The following WASL variants were observed in gnomAD, a reference collection of about 807,000 sequenced individuals.
The protein encoded by WASL is actin nucleation-promoting factor WASL.
In WASL, 20 loss-of-function variants were observed where a neutral mutation model predicts 55.5. The observed-to-expected ratio is 0.36, with a 90% confidence interval of 0.25 to 0.52. The LOEUF is 0.52. WASL is among the 20% of genes least tolerant of loss of function. The pLI, the probability that WASL is intolerant of heterozygous loss-of-function variation, is 0.92. For missense variants in WASL, 504 were observed against 622.5 expected (o/e 0.81, Z 2.03); for synonymous variants, 249 against 217.6 (o/e 1.14, Z -1.27).
intron 1 of WASL, among the ~76,000 whole-genome samples, chr7:123,732,414 A>G (rs1804155802): frequency 6.6e-6 from 1 of 152,206 alleles, no homozygotes; most frequent in African/African-American, 2.4e-5. Context: ...CTAACAAGGA[A>G]TATTTTGAAA....
intron 5 of WASL, among the ~76,000 whole-genome samples, chr7:123,702,128 C>T (rs182730730): frequency 9.3e-5 from 14 of 150,074 alleles, no homozygotes; most frequent in African/African-American, 3.4e-4. Flanking sequence ...GATCTCGGCT[C>T]ACTTGCAACC....
intron 10 of WASL, among the ~76,000 whole-genome samples, chr7:123,686,489 G>A (rs1237036360): frequency 6.6e-6 from 1 of 151,866 alleles, no homozygotes; most frequent in Admixed American, 6.6e-5. Flanking sequence ...TACTACCACA[G>A]AAATACTAAC....
chr7:123,747,015 A>G (rs193214472), intron 1 of WASL, among the ~76,000 whole-genome samples: 33 of 152,352 alleles, frequency 2.2e-4, no homozygotes, highest in African/African-American at 7.5e-4. Flanking sequence ...ATATGCAAAC[A>G]TTAGTGGTGC....
chr7:123,703,689 A>T (rs1203171916), intron 5 of WASL, among the ~76,000 whole-genome samples: 1 of 152,200 alleles, frequency 6.6e-6, no homozygotes, highest in Non-Finnish European at 1.5e-5. Flanking sequence ...GGACAAAATC[A>T]AAAGGCAACG....
chr7:123,716,832 T>C (rs1803851847), intron 1 of WASL, among the ~76,000 whole-genome samples: 1 of 152,176 alleles, frequency 6.6e-6, no homozygotes, highest in Non-Finnish European at 1.5e-5. Context: ...TAGCACTTAA[T>C]ACCACTTCAC....
intron 1 of WASL, among the ~76,000 whole-genome samples, chr7:123,741,845 T>TC (rs1238905277): frequency 2.0e-5 from 3 of 152,144 alleles, no homozygotes; most frequent in Non-Finnish European, 4.4e-5. Context: ...AGAACCCGGC[T>TC]CCTCTGTACT....
At chr7:123,715,792 A>T (rs1462756396) in intron 1 of WASL, among the ~76,000 whole-genome samples, 1 of 152,222 alleles carries the variant, frequency 6.6e-6, no homozygotes, top group Non-Finnish European at 1.5e-5. Context: ...AGAAAACTGC[A>T]AAGTATTATG....
chr7:123,696,283 G>A (rs1003278197), intron 6 of WASL, among the ~76,000 whole-genome samples: 1 of 151,884 alleles, frequency 6.6e-6, no homozygotes, highest in Non-Finnish European at 1.5e-5. Context: ...TATTTTTAGA[G>A]CAAAGTGAGA....
At chr7:123,711,496 A>C (rs1803757217) in intron 1 of WASL, among the ~76,000 whole-genome samples, 1 of 152,194 alleles carries the variant, frequency 6.6e-6, no homozygotes, top group African/African-American at 2.4e-5. Context: ...TATCAGTCTA[A>C]GTGTCTATTT....
At chr7:123,738,399 G>C (rs915720544) in intron 1 of WASL, among the ~76,000 whole-genome samples, 1 of 152,124 alleles carries the variant, frequency 6.6e-6, no homozygotes, top group Admixed American at 6.5e-5. Context: ...ACATTAGCTA[G>C]ACTGTTCCCT....
chr7:123,733,316 T>C (rs1184333452), intron 1 of WASL, among the ~76,000 whole-genome samples: 1 of 152,202 alleles, frequency 6.6e-6, no homozygotes, highest in East Asian at 1.9e-4. Flanking sequence ...AGCAAGGTTG[T>C]AGCATACAAG....
chr7:123,716,947 C>A (rs185708939), intron 1 of WASL, among the ~76,000 whole-genome samples: 38 of 152,262 alleles, frequency 2.5e-4, no homozygotes, highest in Admixed American at 2.5e-3. Flanking sequence ...ATTTCCCAAT[C>A]AGCTGCTAAT....
chr7:123,706,830 GA>G lies in WASL; in HGVS notation c.253-5del. 1 of 1,524,296 alleles carries G rather than the reference GA, an allele frequency of 6.6e-7. No homozygotes were observed. The highest frequency in any genetic ancestry group is 1.4e-5 in the African/African-American group (1 of 70,436). The allele number at this position is 1,524,296 out of a possible 1,614,324, so 94.4% of individuals were successfully genotyped here. A position where few individuals can be genotyped will look rare whatever the true frequency, so the allele number is the denominator to read the frequency against. On this transcript the variant is annotated splice_polypyrimidine_tract_variant and splice_region_variant and intron_variant, in intron 2 of 10. Transcript: ENST00000223023. ...GTTCCCACAATAGTTTCCCATCCTA[GA>G]AAAAAGTTAAAAATTAAAATAAGAA... is the stretch of plus-strand genomic sequence containing the variant.
chr7:123,736,363 T>C (rs1042548229), intron 1 of WASL, among the ~76,000 whole-genome samples: 2 of 152,168 alleles, frequency 1.3e-5, no homozygotes, highest in Non-Finnish European at 2.9e-5. Context: ...GAATTAAGGG[T>C]ACCAGAAATG....
chr7:123,729,515 G>A (rs543782426), intron 1 of WASL, among the ~76,000 whole-genome samples: 2 of 152,202 alleles, frequency 1.3e-5, no homozygotes, highest in African/African-American at 4.8e-5. Flanking sequence ...ATTACATAAT[G>A]TTTTAGATTA....
intron 1 of WASL, among the ~76,000 whole-genome samples, chr7:123,733,399 C>A (rs1452005932): frequency 6.6e-6 from 1 of 152,044 alleles, no homozygotes; most frequent in Non-Finnish European, 1.5e-5. Flanking sequence ...AAAAACACAG[C>A]ACCACCTATA....
At chr7:123,703,875 T>C (rs1339228581) in intron 5 of WASL, among the ~76,000 whole-genome samples, 1 of 152,200 alleles carries the variant, frequency 6.6e-6, no homozygotes, top group Non-Finnish European at 1.5e-5. Flanking sequence ...AATGATTCTT[T>C]ACCTTCATAG....
chr7:123,700,550 C>T (rs1255362653), intron 5 of WASL, among the ~76,000 whole-genome samples: 1 of 152,012 alleles, frequency 6.6e-6, no homozygotes, highest in African/African-American at 2.4e-5. Flanking sequence ...AGTGATTCTC[C>T]TGCCTCAGCC....
chr7:123,683,708 A>C lies in WASL; in HGVS notation c.*811T>G, dbSNP rs1049079553. 2.0e-5 allele frequency: 3 copies of C among 152,022 alleles called. No individual in the cohort carries two copies. Among genetic ancestry groups the C allele is most frequent in the African/African-American group, 7.2e-5 (3 of 41,422 alleles). 9.4% of individuals were successfully genotyped at this position (152,022 alleles called of 1,614,324 possible). A position where few individuals can be genotyped will look rare whatever the true frequency, so the allele number is the denominator to read the frequency against. ...TATTACCTCAGTTCATGTAGAATGA[A>C]AACTACTCCCTAAATCCCTGAAACT... On this transcript the variant is annotated 3_prime_UTR_variant, in exon 11 of 11. Coordinates refer to ENST00000223023, the MANE Select transcript of WASL (RefSeq NM_003941.4).
Sources: gnomAD v4.1 joint callset for allele counts (sites outside exome capture counted in the v4.1 genomes callset) on GRCh38, gnomAD v4.1.1 for gene constraint, MANE v1.5 for transcripts, NCBI Gene and HGNC (gene_info 2026-07-23, HGNC 2026-07-21) for gene names.